PTPRG: variants seen among roughly 807,000 people sequenced by gnomAD.
The protein encoded by PTPRG is receptor-type tyrosine-protein phosphatase gamma.
Under a neutral mutation model 165.3 loss-of-function variants are expected in PTPRG, and 102 were observed. That is an observed-to-expected ratio of 0.62 (90% confidence interval 0.53 to 0.73). The LOEUF (loss-of-function observed/expected upper bound fraction) is 0.73. Ranked by LOEUF, PTPRG falls within the 30% of genes least tolerant of loss-of-function variation. The pLI, the probability that PTPRG is intolerant of heterozygous loss-of-function variation, is 0.00. For missense variants in PTPRG, 1,866 were observed against 1,861.4 expected (o/e 1.00, Z -0.05); for synonymous variants, 675 against 669.5 (o/e 1.01, Z -0.13).
At chr3:61,711,713 A>G (rs1259000006) in intron 1 of PTPRG, among the ~76,000 whole-genome samples, 2 of 152,218 alleles carry the variant, frequency 1.3e-5, no homozygotes, top group Non-Finnish European at 2.9e-5. Context: ...GATATCCAGA[A>G]TCTACAAGGA....
chr3:61,982,386 A>C (rs2040661099), intron 2 of PTPRG, among the ~76,000 whole-genome samples: 1 of 152,180 alleles, frequency 6.6e-6, no homozygotes, highest in African/African-American at 2.4e-5. Context: ...TTATTGGTAG[A>C]AATTTTTAAT....
chr3:61,976,757 C>T (rs948164203), intron 2 of PTPRG, among the ~76,000 whole-genome samples: 3 of 151,972 alleles, frequency 2.0e-5, no homozygotes, highest in Admixed American at 6.6e-5. Context: ...TCACAGCAAC[C>T]TCTGCCTCCC....
chr3:62,183,614 TG>T (rs1705749497), intron 8 of PTPRG, among the ~76,000 whole-genome samples: 2 of 147,240 alleles, frequency 1.4e-5, no homozygotes, highest in East Asian at 4.0e-4. Flanking sequence ...CCTTGGTGGG[TG>T]GGCACTATAG....
At chr3:62,092,129 C>A (rs1019476193) in intron 5 of PTPRG, among the ~76,000 whole-genome samples, 1 of 105,824 alleles carries the variant, frequency 9.4e-6, no homozygotes, top group Admixed American at 1.1e-4. Flanking sequence ...CACACACACA[C>A]AATCTGTAAA....
chr3:61,962,131 C>A (rs1382559764), intron 2 of PTPRG, among the ~76,000 whole-genome samples: 1 of 152,110 alleles, frequency 6.6e-6, no homozygotes, highest in African/African-American at 2.4e-5. Context: ...CACTTAAGTC[C>A]CTTAAGCTTC....
chr3:61,600,171 AAAATAT>A (rs1279701139), intron 1 of PTPRG, among the ~76,000 whole-genome samples: 8 of 107,254 alleles, frequency 7.5e-5, no homozygotes, highest in African/African-American at 2.2e-4. Context: ...AAAAAAAAAA[AAAATAT>A]ATATATATAT....
intron 4 of PTPRG, among the ~76,000 whole-genome samples, chr3:62,060,944 C>T (rs1700789204): frequency 6.6e-6 from 1 of 152,052 alleles, no homozygotes; most frequent in Admixed American, 6.6e-5. Flanking sequence ...CTTTTTAATA[C>T]CTGCATAATA....
rs1375098745 is a variant in PTPRG, at chr3:61,742,505, G to A, written c.86-6373G>A. 13 of 1,593,050 alleles carry A rather than the reference G, an allele frequency of 8.2e-6. No homozygotes were observed. In the Admixed American group the frequency reaches 8.4e-5, roughly 10 times the overall value. ...ATGGTGCTCTCGATATATAAGGCCC[G>A]GACATTCTGCCAGTTTTTCTTGAGC... On this transcript the variant is annotated intron_variant, in intron 1 of 29. Coordinates refer to ENST00000474889, the MANE Select transcript of PTPRG (RefSeq NM_002841.4).
chr3:62,117,189 G>A (rs548205619), intron 5 of PTPRG, among the ~76,000 whole-genome samples: 4 of 152,158 alleles, frequency 2.6e-5, no homozygotes, highest in Non-Finnish European at 5.9e-5. Flanking sequence ...TTATGTTTAA[G>A]GAGGCAATGA....
intron 4 of PTPRG, among the ~76,000 whole-genome samples, chr3:62,003,899 C>T (rs1253647259): frequency 6.6e-6 from 1 of 152,196 alleles, no homozygotes; most frequent in African/African-American, 2.4e-5. Flanking sequence ...AGAACCTTCT[C>T]TTGGTAGCAA....
intron 4 of PTPRG, among the ~76,000 whole-genome samples, chr3:62,022,814 G>A (rs1433326099): frequency 6.6e-6 from 1 of 152,122 alleles, no homozygotes; most frequent in Non-Finnish European, 1.5e-5. Context: ...GAAGCTGTAA[G>A]TTGCTTTTCT....
At chr3:61,729,228 G>T (rs915053313) in intron 1 of PTPRG, among the ~76,000 whole-genome samples, 1 of 152,144 alleles carries the variant, frequency 6.6e-6, no homozygotes, top group African/African-American at 2.4e-5. Context: ...GAGAACATTT[G>T]CACTAAGTGA....
chr3:61,597,788 T>C (rs907313341), intron 1 of PTPRG, among the ~76,000 whole-genome samples: 2 of 152,228 alleles, frequency 1.3e-5, no homozygotes, highest in African/African-American at 2.4e-5. Context: ...AATATTGATA[T>C]TTATGTGAAA....
At chr3:62,089,756 T>C (rs1253316077) in intron 5 of PTPRG, among the ~76,000 whole-genome samples, 1 of 152,208 alleles carries the variant, frequency 6.6e-6, no homozygotes, top group East Asian at 1.9e-4. Context: ...TGTATTAAGT[T>C]GTATGATTTT....
intron 5 of PTPRG, among the ~76,000 whole-genome samples, chr3:62,096,141 G>T (rs973710445): frequency 6.6e-6 from 1 of 152,102 alleles, no homozygotes; most frequent in African/African-American, 2.4e-5. Flanking sequence ...AGAGATGGTG[G>T]TAGCTGGGAC....
At chr3:61,715,362 G>C (rs1469615727) in intron 1 of PTPRG, among the ~76,000 whole-genome samples, 1 of 152,000 alleles carries the variant, frequency 6.6e-6, no homozygotes, top group African/African-American at 2.4e-5. Flanking sequence ...GACTACAGGT[G>C]TGTGCCACCA....
At chr3:61,748,293 A>C (rs1032483051) in intron 1 of PTPRG, among the ~76,000 whole-genome samples, 2 of 152,078 alleles carry the variant, frequency 1.3e-5, no homozygotes, top group African/African-American at 4.8e-5. Flanking sequence ...GGGATTCTTA[A>C]GTCTGGTTTT....
At chr3:61,977,360 T>C (rs1271220501) in intron 2 of PTPRG, among the ~76,000 whole-genome samples, 1 of 152,208 alleles carries the variant, frequency 6.6e-6, no homozygotes, top group African/African-American at 2.4e-5. Context: ...AGTTCTCTAA[T>C]TGTGTGTCTA....
intron 6 of PTPRG, among the ~76,000 whole-genome samples, chr3:62,154,825 G>A (rs1487870838): frequency 1.3e-5 from 2 of 152,144 alleles, no homozygotes; most frequent in African/African-American, 4.8e-5. Flanking sequence ...AGTGTGACTC[G>A]AAGTTCACCT....
Sources: gnomAD v4.1 joint callset for allele counts (sites outside exome capture counted in the v4.1 genomes callset) on GRCh38, gnomAD v4.1.1 for gene constraint, MANE v1.5 for transcripts, NCBI Gene and HGNC (gene_info 2026-07-23, HGNC 2026-07-21) for gene names.